The following RDH12 variants were observed in gnomAD, a reference collection of about 807,000 sequenced individuals.
The protein encoded by RDH12 is retinol dehydrogenase 12.
In RDH12, 21 loss-of-function variants were observed where a neutral mutation model predicts 34.0. The observed-to-expected ratio is 0.62, with a 90% CI of 0.44 to 0.89. The LOEUF (loss-of-function observed/expected upper bound fraction) is 0.89. RDH12 is among the 40% of genes least tolerant of loss of function. RDH12 has a pLI of 0.00. For synonymous variants in RDH12, 198 were observed against 169.9 expected (o/e 1.17, Z -1.29); for missense variants, 394 against 398.6 (o/e 0.99, Z 0.10).
rs112998406 is a variant in RDH12 at position 67,705,151 on chromosome 14, G to A, written c.-275+3216G>A. ...AGCTGGGTGTATTCCAAAGTCTGTC[G>A]TTAGAAGTTGGAATGATTTTATAAG... On this transcript the variant is annotated intron_variant, in intron 1 of 8. Coordinates refer to ENST00000551171, the MANE Select transcript of RDH12 (RefSeq NM_152443.3). 5.3e-3 allele frequency among the ~76,000 whole-genome samples: 810 copies of A among 152,314 alleles called. 6 individuals carry two copies. The highest frequency in any genetic ancestry group is 0.013 in the African/African-American group (541 of 41,576).
At chr14:67,726,887 G>T in intron 6 of RDH12, 94 bp from the exon 7 acceptor site, 1 of 1,118,442 alleles carries the variant, frequency 8.9e-7, no homozygotes, top group Non-Finnish European at 1.3e-6. Context: ...ACACCCAGAA[G>T]ATAGTGAGCT....
intron 4 of RDH12, 128 bp downstream of exon 4, chr14:67,724,719 G>A: frequency 2.6e-6 from 2 of 766,924 alleles, no homozygotes; most frequent in East Asian, 2.7e-5. Flanking sequence ...CAAGGAACCT[G>A]GGATTCAAGT....
At position 67,729,360 on chromosome 14, in the gene RDH12, C is replaced by G; in HGVS notation, c.828C>G (p.Pro276=). 6.3e-7 allele frequency: 1 copy of G among 1,597,902 alleles called. No individual in the cohort carries two copies. ...LHCALAEGLE[P]LSGKYFSDCK... Reference sequence around the variant, plus strand: ...GCGCCCTGGCTGAGGGCCTGGAGCCCCTGAGTGGCAAGTACTTCAGGTGTG... The same window carrying G: ...GCGCCCTGGCTGAGGGCCTGGAGCCGCTGAGTGGCAAGTACTTCAGGTGTG... Residue 276 remains proline (P), a synonymous_variant, in exon 8 of 9, where the codon CCC becomes CCG. Coordinates refer to ENST00000551171, the MANE Select transcript of RDH12 (RefSeq NM_152443.3).
intron 2 of RDH12, 66 bp from the exon 3 acceptor site, chr14:67,722,358 C>T (rs942667010): frequency 3.8e-6 from 2 of 530,726 alleles, no homozygotes; most frequent in African/African-American, 1.9e-5. Flanking sequence ...CTTTAGTTTC[C>T]CCACATTCTC....
intron 3 of RDH12, among the ~76,000 whole-genome samples, chr14:67,723,961 G>A (rs1351012621): frequency 1.3e-5 from 2 of 152,238 alleles, no homozygotes; most frequent in Non-Finnish European, 2.9e-5. Context: ...AAACTGGAGA[G>A]GCAGCCTAAG....
At chr14:67,728,639 C>T (rs772758437) in intron 7 of RDH12, among the ~76,000 whole-genome samples, 3 of 150,454 alleles carry the variant, frequency 2.0e-5, no homozygotes, top group Non-Finnish European at 4.4e-5. Context: ...ACATTTAAAG[C>T]ATGTTGTATG....
intron 8 of RDH12, among the ~76,000 whole-genome samples, chr14:67,733,033 C>A (rs987355653): frequency 1.3e-5 from 2 of 151,998 alleles, no homozygotes; most frequent in Non-Finnish European, 2.9e-5. Flanking sequence ...ATGACGAGTT[C>A]ATGGGTGCAG....
rs746513362 is a variant in RDH12 at position 67,725,211 on chromosome 14, C to T, written c.300C>T (p.Ser100=). ...TGCTGGTGCGGAAATTGGACCTATC[C>T]GACACCAAATCTATCCGAGCCTTTG... ...SQVLVRKLDL[S]DTKSIRAFAE... is the part of the protein sequence containing the mutation. Residue 100 remains serine, a synonymous_variant, in exon 5 of 9, where the codon TCC becomes TCT. Transcript: ENST00000551171. 1.8e-4 allele frequency: 291 copies of T among 1,613,862 alleles called. No homozygotes were observed. Among genetic ancestry groups the T allele is most frequent in the Non-Finnish European group, 2.3e-4 (273 of 1,180,040 alleles).
intron 1 of RDH12, among the ~76,000 whole-genome samples, chr14:67,718,818 C>T (rs1425603121): frequency 6.6e-6 from 1 of 152,096 alleles, no homozygotes; most frequent in Non-Finnish European, 1.5e-5. Context: ...GCTTATGTGC[C>T]AAAGCATGTT....
chr14:67,729,093 A>C, intron 7 of RDH12, 98 bp from the exon 8 acceptor site: 19 of 1,181,860 alleles, frequency 1.6e-5, no homozygotes, highest in African/African-American at 3.0e-5. Flanking sequence ...ATGTTTCCTG[A>C]GTCCCTCCTT....
intron 1 of RDH12, among the ~76,000 whole-genome samples, chr14:67,711,192 A>T (rs992708550): frequency 6.6e-6 from 1 of 152,210 alleles, no homozygotes; most frequent in African/African-American, 2.4e-5. Flanking sequence ...AGGTTTAGCT[A>T]TTTTTATTAA....
chr14:67,707,868 A>G (rs1360564487), intron 1 of RDH12, among the ~76,000 whole-genome samples: 1 of 152,074 alleles, frequency 6.6e-6, no homozygotes, highest in Non-Finnish European at 1.5e-5. Context: ...CAGATCAGGA[A>G]CCCTGTACAG....
chr14:67,724,493 T>C lies in RDH12; in HGVS notation c.89T>C (p.Val30Ala). 6.2e-7 allele frequency: 1 copy of C among 1,611,008 alleles called. No individual in the cohort carries two copies. The highest frequency in any genetic ancestry group is 8.5e-7 in the Non-Finnish European group (1 of 1,178,694). Reference protein sequence around the residue: ...PSIRKFFAGGVCRTNVQLPGK... With the variant: ...PSIRKFFAGGACRTNVQLPGK... Reference sequence around the variant, plus strand: ...GATAGGAAGTTCTTTGCTGGTGGAGTGTGTAGAACAAATGTGCAGCTTCCT... The same window carrying C: ...GATAGGAAGTTCTTTGCTGGTGGAGCGTGTAGAACAAATGTGCAGCTTCCT... The change falls in exon 4 of 9, where the codon GTG becomes GCG. Residue 30 changes from valine to alanine, a missense_variant. Val to Ala is a moderately conservative substitution (Grantham distance 64). Coordinates refer to ENST00000551171, the MANE Select transcript of RDH12 (RefSeq NM_152443.3).
At chr14:67,725,056 C>G in intron 4 of RDH12, 43 bp from the exon 5 acceptor site, 2 of 1,609,900 alleles carry the variant, frequency 1.2e-6, no homozygotes, top group Non-Finnish European at 1.7e-6. Flanking sequence ...TCCTTTATAG[C>G]CTAGGATATG....
chr14:67,725,374 C>A, intron 5 of RDH12, 120 bp downstream of exon 5: 3 of 1,007,422 alleles, frequency 3.0e-6, no homozygotes, highest in Non-Finnish European at 4.6e-6. Context: ...ACAGGTTCTG[C>A]CACATGAACC....
chr14:67,726,516 T>C (rs1190143449), intron 6 of RDH12, among the ~76,000 whole-genome samples: 1 of 152,084 alleles, frequency 6.6e-6, no homozygotes, highest in African/African-American at 2.4e-5. Flanking sequence ...AAGCCATGGG[T>C]TGGTCCACGG....
chr14:67,717,258 A>T (rs1299707481), intron 1 of RDH12, among the ~76,000 whole-genome samples: 1 of 152,210 alleles, frequency 6.6e-6, no homozygotes, highest in African/African-American at 2.4e-5. Context: ...GAGATAGAAC[A>T]TTTCCATCAC....
At chr14:67,713,863 G>T (rs1270479288) in intron 1 of RDH12, among the ~76,000 whole-genome samples, 2 of 152,094 alleles carry the variant, frequency 1.3e-5, no homozygotes, top group African/African-American at 4.8e-5. Flanking sequence ...GCAGGGAGGG[G>T]GCTTCCAAGT....
chr14:67,728,702 GT>G (rs1176405132), intron 7 of RDH12, among the ~76,000 whole-genome samples: 2 of 67,680 alleles, frequency 3.0e-5, no homozygotes, highest in African/African-American at 8.1e-5. Context: ...GGGATATCTT[GT>G]GGGGGGGGGG....
Sources: allele counts gnomAD v4.1 joint callset (sites outside exome capture counted in the v4.1 genomes callset), GRCh38; gene constraint gnomAD v4.1.1; transcripts MANE v1.5; gene names NCBI Gene and HGNC (gene_info 2026-07-23, HGNC 2026-07-21).